CDC42SE2: variants seen among roughly 807,000 people sequenced by gnomAD.
The protein encoded by CDC42SE2 is CDC42 small effector 2, also known as CDC42 small effector protein 2.
CDC42SE2 carries 3 observed loss-of-function variants against 11.5 expected under a neutral mutation model. The ratio of observed to expected loss-of-function variants is 0.26; its 90% CI spans 0.12 to 0.67. CDC42SE2 has a LOEUF of 0.67. CDC42SE2 is among the 30% of genes least tolerant of loss of function. The pLI is 0.80. For synonymous variants in CDC42SE2, 33 were observed against 34.8 expected (o/e 0.95, Z 0.18); for missense variants, 82 against 106.8 (o/e 0.77, Z 1.02).
chr5:131,320,515 G>A (rs1758165132), intron 2 of CDC42SE2, among the ~76,000 whole-genome samples: 1 of 152,240 alleles, frequency 6.6e-6, no homozygotes, highest in African/African-American at 2.4e-5. Flanking sequence ...GCCGAGGAGG[G>A]TGGATCATTT....
In CDC42SE2 at chr5:131,376,083, C is replaced by G. The variant is rs573124640; in HGVS notation, c.55-9460C>G. On this transcript the variant is annotated intron_variant, in intron 3 of 4. Transcript: ENST00000505065. ...GTGAAACCCATCTTTACTAAAAATA[C>G]AAAAAATTAGATGGGCATGGTGGTG... Among the ~76,000 whole-genome samples the G allele has an allele frequency of 2.0e-4, 31 of 151,886 alleles. No individual in the cohort carries two copies. The East Asian group carries it at 5.4e-3, about 27-fold the overall frequency.
Position 131,253,746 on chromosome 5 carries a change from C to G in CDC42SE2, n.108-1349C>G, listed in dbSNP as rs1445855491. Among the ~76,000 whole-genome samples, 3 of 152,174 alleles carry G rather than the reference C, an allele frequency of 2.0e-5. No individual in the cohort carries two copies. The East Asian group carries it at 5.8e-4, about 29-fold the overall frequency. On this transcript the variant is annotated intron_variant and non_coding_transcript_variant, in intron 1 of 3. Coordinates refer to the CDC42SE2 transcript ENST00000502840. ...CACCATTGCACTCCAGCCTGGGCAACAAGAGTGAAACTCTGTCTAAAAATA... is the reference window on the plus strand; with the variant it reads ...CACCATTGCACTCCAGCCTGGGCAAGAAGAGTGAAACTCTGTCTAAAAATA...
chr5:131,357,469 G>T (rs532741138), intron 2 of CDC42SE2, among the ~76,000 whole-genome samples: 1 of 152,100 alleles, frequency 6.6e-6, no homozygotes, highest in African/African-American at 2.4e-5. Context: ...GTTTAGAGTC[G>T]TGGCTTTGGA....
intron 2 of CDC42SE2, among the ~76,000 whole-genome samples, chr5:131,321,843 G>GT (rs887311775): frequency 4.6e-5 from 7 of 151,828 alleles, no homozygotes; most frequent in African/African-American, 1.2e-4. Context: ...CATTAGAAAT[G>GT]TTTTTTTTGT....
At chr5:131,332,426 A>C (rs2149742616) in intron 2 of CDC42SE2, among the ~76,000 whole-genome samples, 1 of 152,336 alleles carries the variant, frequency 6.6e-6, no homozygotes, top group African/African-American at 2.4e-5. Context: ...CACAATAAAC[A>C]TACATGTGCA....
intron 1 of CDC42SE2, among the ~76,000 whole-genome samples, chr5:131,249,004 C>T (rs1272879314): frequency 6.9e-6 from 1 of 145,102 alleles, no homozygotes; most frequent in Non-Finnish European, 1.5e-5. Context: ...CATGAATAGC[C>T]AGGTTACATC....
At chr5:131,258,594 AC>A (rs1346135153) in intron 2 of CDC42SE2, among the ~76,000 whole-genome samples, 1 of 151,886 alleles carries the variant, frequency 6.6e-6, no homozygotes, top group Non-Finnish European at 1.5e-5. Flanking sequence ...AGCTGCATGT[AC>A]CCTAATTTAC....
chr5:131,303,415 G>A (rs1197241878), intron 1 of CDC42SE2, among the ~76,000 whole-genome samples: 1 of 152,194 alleles, frequency 6.6e-6, no homozygotes, highest in Non-Finnish European at 1.5e-5. Context: ...TTAAGCTACT[G>A]TTTCTTGAGG....
intron 1 of CDC42SE2, among the ~76,000 whole-genome samples, chr5:131,300,815 T>A (rs909227843): frequency 1.3e-5 from 2 of 152,036 alleles, no homozygotes; most frequent in African/African-American, 4.8e-5. Flanking sequence ...GTTTAAAAAT[T>A]GGCATAAATT....
the CDC42SE2 span, among the ~76,000 whole-genome samples, chr5:131,226,967 T>C: frequency 1.3e-5 from 2 of 152,200 alleles, no homozygotes; most frequent in African/African-American, 4.8e-5. Flanking sequence ...TTTTAGAGCT[T>C]ATCTGAGTTA....
chr5:131,337,606 G>A (rs1270420413), intron 2 of CDC42SE2, among the ~76,000 whole-genome samples: 1 of 152,250 alleles, frequency 6.6e-6, no homozygotes, highest in South Asian at 2.1e-4. Context: ...TTGAGCTGTG[G>A]TGGGCTCCAC....
intron 1 of CDC42SE2, among the ~76,000 whole-genome samples, chr5:131,278,382 G>A (rs1757147873): frequency 6.6e-6 from 1 of 152,028 alleles, no homozygotes; most frequent in Non-Finnish European, 1.5e-5. Flanking sequence ...TCCGATAAAA[G>A]CCTGTTTTAG....
intron 1 of CDC42SE2, among the ~76,000 whole-genome samples, chr5:131,252,762 C>G (rs527773578): frequency 3.3e-5 from 5 of 152,332 alleles, no homozygotes; most frequent in East Asian, 1.9e-4. Flanking sequence ...TGAACTCATT[C>G]TCTAGTTCCC....
At chr5:131,242,809 C>G (rs1663629833), upstream of CDC42SE2, among the ~76,000 whole-genome samples, 1 of 152,090 alleles carries the variant, frequency 6.6e-6, no homozygotes, top group African/African-American at 2.4e-5. Flanking sequence ...CTTCATTTTT[C>G]TAGGGTAAGT....
In CDC42SE2 at chr5:131,394,143, CA is replaced by C. The variant is rs1390997821; in HGVS notation, c.*3053del. 1 of 152,332 alleles carries C rather than the reference CA, an allele frequency of 6.6e-6. No homozygotes were observed. The highest frequency in any genetic ancestry group is 1.5e-5 in the Non-Finnish European group (1 of 68,022). The allele number at this position is 152,332 out of a possible 1,614,324, so 9.4% of individuals were successfully genotyped here. ...ATTTGTTCCCCATAGCAGCATATCT[CA>C]TTTTTAAATTGAAGCGAATTAAATA... On this transcript the variant is annotated 3_prime_UTR_variant, in exon 5 of 5. Transcript: ENST00000505065.
intron 1 of CDC42SE2, among the ~76,000 whole-genome samples, chr5:131,302,156 G>A (rs763156497): frequency 2.5e-4 from 37 of 150,074 alleles, no homozygotes; most frequent in Non-Finnish European, 4.3e-4. Flanking sequence ...ACAGGCACGC[G>A]CCACTACTGC....
the CDC42SE2 span, among the ~76,000 whole-genome samples, chr5:131,210,083 G>A: frequency 1.3e-5 from 2 of 152,114 alleles, no homozygotes; most frequent in Non-Finnish European, 2.9e-5. Context: ...TGATAAGCCG[G>A]CTCCCTCTTC....
intron 2 of CDC42SE2, among the ~76,000 whole-genome samples, chr5:131,324,243 A>G (rs1013139102): frequency 6.6e-6 from 1 of 152,146 alleles, no homozygotes; most frequent in Non-Finnish European, 1.5e-5. Flanking sequence ...TCATTTTTTA[A>G]TAACTTTTGC....
chr5:131,229,842 G>A, the CDC42SE2 span, among the ~76,000 whole-genome samples: 2 of 152,166 alleles, frequency 1.3e-5, no homozygotes, highest in Non-Finnish European at 2.9e-5. Flanking sequence ...GCTGAGGTGG[G>A]AAGATCACTT....
Sources: gnomAD v4.1 joint callset for allele counts (sites outside exome capture counted in the v4.1 genomes callset) on GRCh38, gnomAD v4.1.1 for gene constraint, MANE v1.5 for transcripts, NCBI Gene and HGNC (gene_info 2026-07-23, HGNC 2026-07-21) for gene names.